Variants in VSTM4 observed in about 807,000 individuals in gnomAD.
The protein encoded by VSTM4 is V-set and transmembrane domain-containing protein 4.
In VSTM4, 20 loss-of-function variants were observed where a neutral mutation model predicts 36.4. The ratio of observed to expected loss-of-function variants is 0.55; its 90% CI spans 0.39 to 0.80. The LOEUF (loss-of-function observed/expected upper bound fraction) is 0.80. Among genes scored for constraint, VSTM4 ranks in the 30% least tolerant of loss-of-function variants. The pLI, the probability that VSTM4 is intolerant of heterozygous loss-of-function variation, is 0.00. For missense variants in VSTM4, 392 were observed against 404.5 expected (o/e 0.97, Z 0.26); for synonymous variants, 182 against 173.9 (o/e 1.05, Z -0.37).
intron 5 of VSTM4, among the ~76,000 whole-genome samples, chr10:49,058,609 C>G (rs891356232): frequency 2.6e-5 from 4 of 152,174 alleles, no homozygotes; most frequent in African/African-American, 9.7e-5. Context: ...CTCCAAGAGA[C>G]AGCAATTTAC....
chr10:49,040,778 G>A lies in VSTM4; in HGVS notation c.837+6205C>T, dbSNP rs533168482. On this transcript the variant is annotated intron_variant, in intron 7 of 7. Coordinates refer to ENST00000332853, the MANE Select transcript of VSTM4 (RefSeq NM_001031746.5). The stretch of plus-strand genomic sequence containing the variant: ...CCAGAGCCTATAAATCACCTAATGC[G>A]GCAGCTGGCACACAATAGGCGCCCA... Among the ~76,000 whole-genome samples the A allele has an allele frequency of 7.2e-5, 11 of 152,238 alleles. No individual in the cohort carries two copies. In the East Asian group the frequency reaches 9.6e-4, roughly 13 times the overall value.
chr10:49,065,471 G>A (rs947245136), intron 4 of VSTM4, among the ~76,000 whole-genome samples: 2 of 152,144 alleles, frequency 1.3e-5, no homozygotes, highest in East Asian at 3.9e-4. Flanking sequence ...AACTTGCTTT[G>A]GTCAAGAGAA....
At chr10:49,057,886 T>C (rs1184387896) in intron 5 of VSTM4, among the ~76,000 whole-genome samples, 2 of 152,178 alleles carry the variant, frequency 1.3e-5, no homozygotes, top group East Asian at 1.9e-4. Context: ...AGAGTTCTGG[T>C]GTTCTTTGAG....
chr10:49,061,137 T>C (rs1157077428), intron 5 of VSTM4, among the ~76,000 whole-genome samples: 1 of 152,200 alleles, frequency 6.6e-6, no homozygotes, highest in African/African-American at 2.4e-5. Flanking sequence ...ATATATAATC[T>C]AGAATCAGTG....
At chr10:49,026,355 T>C (rs12770882) in intron 7 of VSTM4, among the ~76,000 whole-genome samples, 26,086 of 152,176 alleles carry the variant, frequency 0.17, 2,456 homozygotes, top group South Asian at 0.36. Flanking sequence ...GTTCCCACCA[T>C]GATGGGAAGC....
At position 49,107,742 on chromosome 10, in the gene VSTM4, C is replaced by T. The variant is rs145644785; in HGVS notation, c.309G>A (p.Glu103=). The change falls in exon 2 of 8, where the codon GAG becomes GAA. Residue 103 remains glutamate, a synonymous_variant. Coordinates refer to ENST00000332853, the MANE Select transcript of VSTM4 (RefSeq NM_001031746.5). ...GCCTGTAGAGCGCCCCCCGCTGCTC[C>T]TCCAGCAGGCGCAGCCTCCGCCGTT... ...SAKRRRLRLL[E]EQRGALYRLS... 81 of 1,614,102 alleles carry T rather than the reference C, an allele frequency of 5.0e-5. No individual in the cohort carries two copies. Among genetic ancestry groups the T allele is most frequent in the Middle Eastern group, 1.6e-4 (1 of 6,084 alleles).
At chr10:49,063,602 A>G (rs1255064415) in intron 5 of VSTM4, among the ~76,000 whole-genome samples, 1 of 152,068 alleles carries the variant, frequency 6.6e-6, no homozygotes, top group African/African-American at 2.4e-5. Context: ...TCATTTTCAG[A>G]GACTTTACAG....
chr10:49,056,862 A>G (rs1361727378), intron 5 of VSTM4, among the ~76,000 whole-genome samples: 1 of 152,178 alleles, frequency 6.6e-6, no homozygotes, highest in Non-Finnish European at 1.5e-5. Context: ...TATCAAGAAA[A>G]GAGGTTTATA....
At chr10:49,066,526 A>T (rs1590101555) in intron 4 of VSTM4, among the ~76,000 whole-genome samples, 1 of 152,312 alleles carries the variant, frequency 6.6e-6, no homozygotes, top group East Asian at 1.9e-4. Context: ...AGAAAATTTC[A>T]TTCATTCATT....
intron 1 of VSTM4, among the ~76,000 whole-genome samples, chr10:49,111,891 C>T (rs1187661498): frequency 1.3e-5 from 2 of 152,122 alleles, no homozygotes; most frequent in East Asian, 1.9e-4. Flanking sequence ...ATCTAGACTT[C>T]GGGGTCAGGG....
intron 5 of VSTM4, among the ~76,000 whole-genome samples, chr10:49,055,245 T>C (rs992039570): frequency 1.6e-4 from 24 of 152,176 alleles, no homozygotes; most frequent in South Asian, 4.1e-4. Flanking sequence ...CTTTGAAAGG[T>C]GTCGCTTCAG....
At chr10:49,063,337 T>C (rs755429744) in intron 5 of VSTM4, among the ~76,000 whole-genome samples, 3 of 152,106 alleles carry the variant, frequency 2.0e-5, no homozygotes, top group Admixed American at 6.5e-5. Flanking sequence ...CTCCATCTCA[T>C]AGAAAGAAAA....
chr10:49,027,162 G>A (rs1461844760), intron 7 of VSTM4, among the ~76,000 whole-genome samples: 1 of 152,180 alleles, frequency 6.6e-6, no homozygotes, highest in Non-Finnish European at 1.5e-5. Flanking sequence ...CTGGGATTCT[G>A]CCTCGCCCTC....
intron 6 of VSTM4, among the ~76,000 whole-genome samples, chr10:49,047,685 T>C (rs1843634366): frequency 6.6e-6 from 1 of 152,176 alleles, no homozygotes; most frequent in Non-Finnish European, 1.5e-5. Flanking sequence ...TCCATGCTTT[T>C]CATCCCCCTG....
intron 2 of VSTM4, among the ~76,000 whole-genome samples, chr10:49,097,897 C>G (rs1287802750): frequency 6.6e-6 from 1 of 152,176 alleles, no homozygotes; most frequent in East Asian, 1.9e-4. Flanking sequence ...ATTAACTGCT[C>G]TTTGTTTGTT....
At chr10:49,023,799 AG>A (rs1393732111) in intron 7 of VSTM4, among the ~76,000 whole-genome samples, 2 of 152,252 alleles carry the variant, frequency 1.3e-5, no homozygotes, top group East Asian at 3.9e-4. Context: ...GAAGTACAGA[AG>A]GTTGCGGAGT....
intron 7 of VSTM4, among the ~76,000 whole-genome samples, chr10:49,021,272 A>C (rs1813156497): frequency 6.6e-6 from 1 of 152,118 alleles, no homozygotes; most frequent in Non-Finnish European, 1.5e-5. Flanking sequence ...AAAAATTTTA[A>C]TGTGGAAAAT....
At chr10:49,066,268 G>A (rs1241208359) in intron 4 of VSTM4, among the ~76,000 whole-genome samples, 1 of 152,102 alleles carries the variant, frequency 6.6e-6, no homozygotes, top group Non-Finnish European at 1.5e-5. Context: ...AGATTGAAAC[G>A]TAAATGAGAC....
At chr10:49,029,908 T>C (rs1333105308) in intron 7 of VSTM4, among the ~76,000 whole-genome samples, 1 of 152,000 alleles carries the variant, frequency 6.6e-6, no homozygotes, top group African/African-American at 2.4e-5. Context: ...CTGTCCCTGG[T>C]GGGAGAGGGT....
Sources: gnomAD v4.1 joint callset for allele counts (sites outside exome capture counted in the v4.1 genomes callset) on GRCh38, gnomAD v4.1.1 for gene constraint, MANE v1.5 for transcripts, NCBI Gene and HGNC (gene_info 2026-07-23, HGNC 2026-07-21) for gene names.